The following CNTLN variants were observed in gnomAD, a reference collection of about 807,000 sequenced individuals.
CNTLN encodes the protein centlein.
A neutral mutation model predicts 180.0 loss-of-function variants in CNTLN; 212 were observed. The ratio of observed to expected loss-of-function variants is 1.18; its 90% CI spans 1.05 to 1.32. CNTLN has a LOEUF of 1.32. Among genes scored for constraint, CNTLN ranks in the 40% most tolerant of loss-of-function variants. The pLI is 0.00. For synonymous variants in CNTLN, 722 were observed against 563.1 expected, an observed-to-expected ratio of 1.28 and a Z score of -3.99; for missense variants, 2,095 against 1,610.9, an observed-to-expected ratio of 1.30 and a Z score of -5.14.
At chr9:17,514,382 A>C in the CNTLN span, among the ~76,000 whole-genome samples, 1 of 152,096 alleles carries the variant, frequency 6.6e-6, no homozygotes, top group Non-Finnish European at 1.5e-5. Context: ...ATAGATAAAG[A>C]TCTGCCATTT....
chr9:17,404,366 C>G (rs1228817570), intron 15 of CNTLN, among the ~76,000 whole-genome samples: 1 of 151,652 alleles, frequency 6.6e-6, no homozygotes, highest in Non-Finnish European at 1.5e-5. Context: ...GGAGTTTTTG[C>G]TTCTCATTAG....
chr9:17,486,803 C>T (rs927911544), intron 24 of CNTLN, among the ~76,000 whole-genome samples, 186 bp from the exon 25 acceptor site: 4 of 151,942 alleles, frequency 2.6e-5, no homozygotes, highest in African/African-American at 9.7e-5. Context: ...CTATATCTTC[C>T]GTAGTACGTA....
intron 18 of CNTLN, among the ~76,000 whole-genome samples, chr9:17,420,625 G>A (rs758176977): frequency 2.6e-5 from 4 of 151,426 alleles, no homozygotes; most frequent in Non-Finnish European, 5.9e-5. Context: ...AGTTTTTCTA[G>A]TTCTTCAAGA....
intron 2 of CNTLN, among the ~76,000 whole-genome samples, chr9:17,220,065 AAC>A (rs777823648): frequency 2.0e-4 from 30 of 152,080 alleles, no homozygotes; most frequent in Non-Finnish European, 2.6e-4. Context: ...CACCTTGTTA[AAC>A]ACAGATTGCT....
chr9:17,386,025 A>G (rs549528164), intron 13 of CNTLN, among the ~76,000 whole-genome samples: 4 of 152,302 alleles, frequency 2.6e-5, no homozygotes, highest in Non-Finnish European at 4.4e-5. Context: ...CCATACAATA[A>G]GTTGATAACT....
chr9:17,217,306 T>C (rs1823825234), intron 2 of CNTLN, among the ~76,000 whole-genome samples: 1 of 152,252 alleles, frequency 6.6e-6, no homozygotes, highest in African/African-American at 2.4e-5. Flanking sequence ...ATTTCTGTTT[T>C]CTTAAAAATT....
intron 18 of CNTLN, among the ~76,000 whole-genome samples, chr9:17,429,153 C>T (rs950491904): frequency 1.3e-5 from 2 of 151,884 alleles, no homozygotes; most frequent in Admixed American, 6.6e-5. Context: ...TTATATGAGC[C>T]AACTGTGGAA....
chr9:17,178,273 G>A (rs149847375), intron 2 of CNTLN, among the ~76,000 whole-genome samples: 2,891 of 152,262 alleles, frequency 0.019, 58 homozygotes, highest in African/African-American at 0.05. Context: ...AGTGCTGATT[G>A]GTATATTTAC....
At chr9:17,153,162 A>T (rs1028144752) in intron 2 of CNTLN, among the ~76,000 whole-genome samples, 4 of 152,168 alleles carry the variant, frequency 2.6e-5, no homozygotes, top group Non-Finnish European at 5.9e-5. Context: ...TTTACATTTA[A>T]GGTTAATATT....
At chr9:17,190,982 A>G (rs1368780239) in intron 2 of CNTLN, among the ~76,000 whole-genome samples, 1 of 152,212 alleles carries the variant, frequency 6.6e-6, no homozygotes, top group African/African-American at 2.4e-5. Context: ...TTCAGTTCAT[A>G]ATGCCCTTAC....
chr9:17,217,275 AC>A (rs1293655167), intron 2 of CNTLN, among the ~76,000 whole-genome samples: 1 of 152,230 alleles, frequency 6.6e-6, no homozygotes, highest in Non-Finnish European at 1.5e-5. Flanking sequence ...AATTGTGATC[AC>A]CTTTATTTGT....
At chr9:17,291,867 C>G (rs193064774) in intron 6 of CNTLN, among the ~76,000 whole-genome samples, 5 of 152,024 alleles carry the variant, frequency 3.3e-5, no homozygotes, top group African/African-American at 1.2e-4. Flanking sequence ...GGTTATCAGA[C>G]TTGGTGATGT....
chr9:17,215,437 A>G (rs1261274349), intron 2 of CNTLN, among the ~76,000 whole-genome samples: 1 of 152,162 alleles, frequency 6.6e-6, no homozygotes, highest in Non-Finnish European at 1.5e-5. Flanking sequence ...GAGTACCCAG[A>G]CATGTGAGGT....
the CNTLN span, among the ~76,000 whole-genome samples, chr9:17,509,123 G>C: frequency 6.6e-6 from 1 of 152,306 alleles, no homozygotes; most frequent in African/African-American, 2.4e-5. Context: ...ATGGTGGCAG[G>C]GATAGAAGTT....
chr9:17,422,327 G>A (rs1351847747), intron 18 of CNTLN, among the ~76,000 whole-genome samples: 6 of 151,534 alleles, frequency 4.0e-5, no homozygotes, highest in Non-Finnish European at 8.8e-5. Flanking sequence ...CTTGACCTTT[G>A]GGATTTTGAT....
intron 14 of CNTLN, among the ~76,000 whole-genome samples, chr9:17,391,098 G>T (rs1184931800): frequency 6.6e-6 from 1 of 152,154 alleles, no homozygotes; most frequent in Non-Finnish European, 1.5e-5. Context: ...GTCTATTTAT[G>T]TGCTTAGGTT....
intron 13 of CNTLN, among the ~76,000 whole-genome samples, chr9:17,377,471 G>A (rs894356914): frequency 1.3e-4 from 20 of 152,116 alleles, no homozygotes; most frequent in African/African-American, 4.6e-4. Flanking sequence ...AACACAGTGG[G>A]CAGAGGTTGC....
chr9:17,520,092 T>C, the CNTLN span, among the ~76,000 whole-genome samples: 3 of 152,368 alleles, frequency 2.0e-5, no homozygotes, highest in East Asian at 3.9e-4. Flanking sequence ...ATTTTGCTTG[T>C]GTAAATTCAG....
At position 17,335,244 on chromosome 9, in the gene CNTLN, C is replaced by T. The variant is rs142202130; in HGVS notation, c.1644+2514C>T. Among the ~76,000 whole-genome samples the T allele has an allele frequency of 1.0e-3, 152 of 152,102 alleles. 3 individuals are homozygous for T. In the East Asian group the frequency reaches 0.021, roughly 21 times the overall value. On this transcript the variant is annotated intron_variant, in intron 10 of 25. Coordinates refer to ENST00000380647, the MANE Select transcript of CNTLN (RefSeq NM_017738.4). ...ATTAGATAAAAAATTATTGGCTGGG[C>T]GCGGTGGCTCACGCCTGTAATCCCA...
Sources: gnomAD v4.1 joint callset for allele counts (sites outside exome capture counted in the v4.1 genomes callset) on GRCh38, gnomAD v4.1.1 for gene constraint, MANE v1.5 for transcripts, NCBI Gene and HGNC (gene_info 2026-07-23, HGNC 2026-07-21) for gene names.